Variants in BBX observed in about 807,000 individuals in gnomAD.
The protein encoded by BBX is BBX high mobility group box domain containing.
In BBX, 30 loss-of-function variants were observed where a neutral mutation model predicts 100.2. The observed-to-expected ratio is 0.30, with a 90% CI of 0.22 to 0.41. The LOEUF is 0.41. Ranked by LOEUF, BBX falls within the 10% of genes least tolerant of loss-of-function variation. The pLI is 1.00. For synonymous variants in BBX, 376 were observed against 388.1 expected (o/e 0.97, Z 0.37); for missense variants, 1,023 against 1,129.8 (o/e 0.91, Z 1.35).
At chr3:107,747,429 A>T (rs901089952) in intron 8 of BBX, among the ~76,000 whole-genome samples, 94 of 152,130 alleles carry the variant, frequency 6.2e-4, no homozygotes, top group Non-Finnish European at 2.9e-4. Flanking sequence ...GTGGTGAAAA[A>T]TAAGTCTTAG....
chr3:107,753,581 T>C (rs1360613465), intron 9 of BBX, among the ~76,000 whole-genome samples: 2 of 152,296 alleles, frequency 1.3e-5, no homozygotes, highest in Non-Finnish European at 2.9e-5. Flanking sequence ...TAAAGGCAGG[T>C]AGTGCATCCA....
intron 3 of BBX, among the ~76,000 whole-genome samples, chr3:107,656,490 C>T (rs2058152610): frequency 6.6e-6 from 1 of 152,070 alleles, no homozygotes; most frequent in African/African-American, 2.4e-5. Context: ...ACATCCAAAC[C>T]ATAACCACCA....
chr3:107,713,973 T>C (rs1254759951), intron 4 of BBX, among the ~76,000 whole-genome samples: 126 of 90,102 alleles, frequency 1.4e-3, no homozygotes, highest in African/African-American at 6.7e-3. Context: ...TTTTCTTTTT[T>C]TTTTTTTTTT....
chr3:107,791,243 G>T lies in BBX; in HGVS notation c.2297G>T (p.Ser766Ile). The T allele has an allele frequency of 6.2e-7, 1 of 1,612,528 alleles. No homozygotes were observed. The highest frequency in any genetic ancestry group is 8.5e-7 in the Non-Finnish European group (1 of 1,178,968). The part of the protein sequence containing the change: ...KEKPNVPEKG[S>I]GDKWSNKQLF... ...CCTTTTCTGTCATTGTTTTTAGGAA[G>T]TGGGGATAAATGGTCAAACAAGCAA... is the stretch of plus-strand genomic sequence containing the variant. Residue 766 changes from serine (S) to isoleucine (I), a missense_variant, in exon 15 of 18, where the codon AGT becomes ATT. By Grantham distance (142) the Ser-to-Ile change is moderately radical (BLOSUM62 -2). Transcript: ENST00000325805.
At chr3:107,742,799 T>C (rs1042587325) in intron 7 of BBX, among the ~76,000 whole-genome samples, 1 of 152,200 alleles carries the variant, frequency 6.6e-6, no homozygotes, top group Non-Finnish European at 1.5e-5. Context: ...TAATTATGTG[T>C]TCATATAGGA....
intron 9 of BBX, among the ~76,000 whole-genome samples, chr3:107,754,223 C>T (rs2065295830): frequency 6.6e-6 from 1 of 152,148 alleles, no homozygotes; most frequent in Non-Finnish European, 1.5e-5. Context: ...GTCCTTCATT[C>T]CCTGAAGCAC....
At chr3:107,590,965 T>A (rs1454692076) in intron 2 of BBX, among the ~76,000 whole-genome samples, 1 of 152,242 alleles carries the variant, frequency 6.6e-6, no homozygotes, top group African/African-American at 2.4e-5. Context: ...TGCTGCAGTA[T>A]TGCCGGAAAC....
intron 9 of BBX, 111 bp from the exon 10 acceptor site, chr3:107,755,486 TG>T: frequency 1.2e-6 from 1 of 862,750 alleles, no homozygotes; most frequent in East Asian, 2.4e-5. Context: ...ACTTGGTACA[TG>T]GGAGCAATGA....
At chr3:107,801,811 C>G (rs548666879) in intron 17 of BBX, among the ~76,000 whole-genome samples, 1 of 152,104 alleles carries the variant, frequency 6.6e-6, no homozygotes. Context: ...CAGTGCAGTT[C>G]AAGGGAAAGA....
chr3:107,725,814 T>A (rs2062886421), intron 5 of BBX, among the ~76,000 whole-genome samples: 1 of 152,030 alleles, frequency 6.6e-6, no homozygotes, highest in Non-Finnish European at 1.5e-5. Context: ...CCTTACCTCA[T>A]CTAATTGGTT....
chr3:107,730,429 A>G (rs2063235425), intron 6 of BBX, among the ~76,000 whole-genome samples: 1 of 150,140 alleles, frequency 6.7e-6, no homozygotes, highest in South Asian at 2.1e-4. Context: ...TGTAACATCC[A>G]TTGCTTTTTC....
intron 2 of BBX, among the ~76,000 whole-genome samples, chr3:107,623,898 C>T (rs967739629): frequency 2.0e-5 from 3 of 152,058 alleles, no homozygotes; most frequent in East Asian, 1.9e-4. Flanking sequence ...TACAGACTCT[C>T]GTCTGTAAAG....
chr3:107,617,331 C>T (rs1353926495), intron 2 of BBX, among the ~76,000 whole-genome samples: 1 of 152,086 alleles, frequency 6.6e-6, no homozygotes, highest in African/African-American at 2.4e-5. Flanking sequence ...ACTCCTCACA[C>T]TTTATTCATT....
At chr3:107,671,125 G>A (rs1245521772) in intron 3 of BBX, among the ~76,000 whole-genome samples, 1 of 149,690 alleles carries the variant, frequency 6.7e-6, no homozygotes, top group African/African-American at 2.5e-5. Context: ...TACAACCTGC[G>A]CTTCCTTCAG....
At chr3:107,552,743 A>G (rs1559803224) in intron 2 of BBX, among the ~76,000 whole-genome samples, 3 of 152,202 alleles carry the variant, frequency 2.0e-5, no homozygotes, top group Admixed American at 6.5e-5. Context: ...ACTAAAGGTT[A>G]TTTCTTTTGA....
chr3:107,778,455 A>G lies in BBX; in HGVS notation c.2139A>G (p.Val713=), dbSNP rs762944778. ...CTGTTACATTTGACCGGAAATGTGT[A>G]CCTGTCCCAAGAAAAAAGAAGAAGA... ...YSPVTFDRKC[V]PVPRKKKKTG... is the part of the protein sequence containing the mutation. The change falls in exon 13 of 18, where the codon GTA becomes GTG. Residue 713 remains valine (V), a synonymous_variant. Transcript: ENST00000325805. The G allele has an allele frequency of 1.2e-6, 2 of 1,613,448 alleles. No homozygotes were observed. The highest frequency in any genetic ancestry group is 1.7e-6 in the Non-Finnish European group (2 of 1,179,560).
At chr3:107,531,025 T>C (rs2048125355) in intron 2 of BBX, among the ~76,000 whole-genome samples, 1 of 152,180 alleles carries the variant, frequency 6.6e-6, no homozygotes, top group Non-Finnish European at 1.5e-5. Context: ...GGTGGGGCCA[T>C]GGAATTTAGA....
At chr3:107,539,359 T>C (rs1320058418) in intron 2 of BBX, among the ~76,000 whole-genome samples, 1 of 152,094 alleles carries the variant, frequency 6.6e-6, no homozygotes, top group Non-Finnish European at 1.5e-5. Flanking sequence ...ATAATATCCA[T>C]GTGTTGCAGG....
intron 2 of BBX, among the ~76,000 whole-genome samples, chr3:107,553,284 A>G (rs1215903594): frequency 6.6e-6 from 1 of 152,240 alleles, no homozygotes; most frequent in African/African-American, 2.4e-5. Flanking sequence ...CTTTACAAAT[A>G]AGACTAAGAG....
Sources: allele counts gnomAD v4.1 joint callset (sites outside exome capture counted in the v4.1 genomes callset), GRCh38; gene constraint gnomAD v4.1.1; transcripts MANE v1.5; gene names NCBI Gene and HGNC (gene_info 2026-07-23, HGNC 2026-07-21).